CGNL1: variants seen among roughly 807,000 people sequenced by gnomAD.
CGNL1 encodes cingulin-like protein 1.
CGNL1 carries 132 observed loss-of-function variants against 141.2 expected under a neutral mutation model. The ratio of observed to expected loss-of-function variants is 0.93; its 90% CI spans 0.81 to 1.08. The LOEUF (loss-of-function observed/expected upper bound fraction) is 1.08, where lower values mean the gene tolerates loss of function less well. CGNL1 is among the 50% of genes least tolerant of loss of function. The pLI, the probability that CGNL1 is intolerant of heterozygous loss-of-function variation, is 0.00. For synonymous variants in CGNL1, 690 were observed against 622.1 expected (o/e 1.11, Z -1.63); for missense variants, 1,870 against 1,588.6 (o/e 1.18, Z -3.01).
chr15:57,460,268 C>A (rs1416436683), intron 7 of CGNL1, among the ~76,000 whole-genome samples: 4 of 152,126 alleles, frequency 2.6e-5, no homozygotes, highest in African/African-American at 9.7e-5. Flanking sequence ...GTAAAGGTCA[C>A]AATGACCTTG....
chr15:57,511,912 G>C (rs1295414134), intron 8 of CGNL1, among the ~76,000 whole-genome samples: 2 of 152,198 alleles, frequency 1.3e-5, no homozygotes, highest in African/African-American at 4.8e-5. Flanking sequence ...ATTAAAAACT[G>C]TGTGCTTTTT....
At chr15:57,453,281 A>C (rs2152324205) in intron 6 of CGNL1, among the ~76,000 whole-genome samples, 1 of 152,308 alleles carries the variant, frequency 6.6e-6, no homozygotes, top group South Asian at 2.1e-4. Flanking sequence ...TGGCCCACAG[A>C]CCATAATTTG....
intron 4 of CGNL1, among the ~76,000 whole-genome samples, chr15:57,447,258 G>C (rs2063265630): frequency 6.6e-6 from 1 of 152,290 alleles, no homozygotes; most frequent in East Asian, 1.9e-4. Context: ...TTCCAGTGCT[G>C]TTCATTCCTT....
At chr15:57,498,428 C>T (rs1007988182) in intron 8 of CGNL1, among the ~76,000 whole-genome samples, 1 of 151,986 alleles carries the variant, frequency 6.6e-6, no homozygotes, top group African/African-American at 2.4e-5. Context: ...TGGTCTCAAA[C>T]CCCTGGGCTT....
chr15:57,420,511 C>T (rs1411145328), intron 1 of CGNL1, among the ~76,000 whole-genome samples: 1 of 152,226 alleles, frequency 6.6e-6, no homozygotes, highest in Non-Finnish European at 1.5e-5. Context: ...CTCCCACCAC[C>T]TGGCATCTAT....
intron 1 of CGNL1, among the ~76,000 whole-genome samples, chr15:57,407,958 A>G (rs1307059690): frequency 6.6e-6 from 1 of 151,934 alleles, no homozygotes; most frequent in East Asian, 1.9e-4. Flanking sequence ...CATGTTGGAC[A>G]GGGTGGTCTT....
intron 1 of CGNL1, among the ~76,000 whole-genome samples, chr15:57,401,867 T>C (rs558499318): frequency 6.6e-6 from 1 of 152,316 alleles, no homozygotes; most frequent in Non-Finnish European, 1.5e-5. Flanking sequence ...CCTTCTCCTG[T>C]TGATGGGCTA....
chr15:57,386,160 T>G (rs2062480344), intron 1 of CGNL1, among the ~76,000 whole-genome samples: 1 of 152,354 alleles, frequency 6.6e-6, no homozygotes, highest in East Asian at 1.9e-4. Context: ...ATCGTTTACA[T>G]ATAAATAGCC....
At chr15:57,475,694 CG>C (rs2063646843) in intron 8 of CGNL1, among the ~76,000 whole-genome samples, 1 of 152,106 alleles carries the variant, frequency 6.6e-6, no homozygotes, top group African/African-American at 2.4e-5. Flanking sequence ...CAGGGCTGTA[CG>C]TATTCCAGCC....
intron 1 of CGNL1, among the ~76,000 whole-genome samples, chr15:57,393,702 T>C (rs868503817): frequency 5.3e-5 from 8 of 152,186 alleles, no homozygotes; most frequent in African/African-American, 1.9e-4. Flanking sequence ...TGTGTGTGCA[T>C]AAGTATTACT....
chr15:57,466,172 A>G (rs1362225016), intron 8 of CGNL1, among the ~76,000 whole-genome samples: 1 of 152,174 alleles, frequency 6.6e-6, no homozygotes, highest in Non-Finnish European at 1.5e-5. Flanking sequence ...CTTTTAAAGG[A>G]CTAAGCCCTT....
At chr15:57,484,319 C>T (rs1045504961) in intron 8 of CGNL1, among the ~76,000 whole-genome samples, 3 of 152,058 alleles carry the variant, frequency 2.0e-5, no homozygotes, top group Non-Finnish European at 2.9e-5. Context: ...TATTTAATAT[C>T]GCATAAGTTG....
Position 57,494,251 on chromosome 15 carries a change from G to C in CGNL1, c.2404-22529G>C, listed in dbSNP as rs570998675. ...GCCATCAAATGAATATTTCTAACTGGATAGTGTGTGAGTGGGGAGGGGTTG... is the reference window on the plus strand; with the variant it reads ...GCCATCAAATGAATATTTCTAACTGCATAGTGTGTGAGTGGGGAGGGGTTG... On this transcript the variant is annotated intron_variant, in intron 8 of 18. Transcript: ENST00000281282. Among the ~76,000 whole-genome samples, 4 of 152,336 alleles carry C rather than the reference G, an allele frequency of 2.6e-5. No homozygotes were observed. The South Asian group carries it at 8.3e-4, about 32-fold the overall frequency.
intron 8 of CGNL1, among the ~76,000 whole-genome samples, chr15:57,508,053 T>C (rs1490888487): frequency 6.6e-6 from 1 of 152,184 alleles, no homozygotes; most frequent in Non-Finnish European, 1.5e-5. Context: ...ATCTGTATGA[T>C]TTTTGGCATT....
intron 4 of CGNL1, among the ~76,000 whole-genome samples, chr15:57,447,550 A>T (rs78380965): frequency 0.2 from 30,539 of 152,086 alleles, 3,596 homozygotes; most frequent in East Asian, 0.27. Context: ...TTAATAATTT[A>T]TCTTTATTGT....
rs149580120 is a variant in CGNL1 at position 57,532,121 on chromosome 15, C to T, written c.3291+342C>T. On this transcript the variant is annotated intron_variant, in intron 14 of 18. Transcript: ENST00000281282. Reference sequence around the variant, plus strand: ...GCTTTCTAAATGTTGATATACAGTTCGTCTAGCACCATTTCCAGGCTCTAG... The same window carrying T: ...GCTTTCTAAATGTTGATATACAGTTTGTCTAGCACCATTTCCAGGCTCTAG... Among the ~76,000 whole-genome samples the T allele has an allele frequency of 1.7e-3, 255 of 152,214 alleles. 1 individual carries two copies. Among genetic ancestry groups the T allele is most frequent in the African/African-American group, 5.6e-3 (234 of 41,538 alleles).
At chr15:57,411,447 CTTT>C (rs112940511) in intron 1 of CGNL1, among the ~76,000 whole-genome samples, 1 of 142,126 alleles carries the variant, frequency 7.0e-6, no homozygotes. Context: ...TTTTCTTTTT[CTTT>C]TTTTTTTTTT....
chr15:57,458,371 C>T (rs1163548983), intron 7 of CGNL1, among the ~76,000 whole-genome samples: 1 of 152,178 alleles, frequency 6.6e-6, no homozygotes, highest in Non-Finnish European at 1.5e-5. Context: ...AGTCTCTACT[C>T]TGGAAAACTT....
chr15:57,399,002 A>G (rs1388994145), intron 1 of CGNL1, among the ~76,000 whole-genome samples: 1 of 152,214 alleles, frequency 6.6e-6, no homozygotes, highest in African/African-American at 2.4e-5. Flanking sequence ...GTACATACTT[A>G]TGAGAAAACA....
Sources: allele counts gnomAD v4.1 joint callset (sites outside exome capture counted in the v4.1 genomes callset), GRCh38; gene constraint gnomAD v4.1.1; transcripts MANE v1.5; gene names NCBI Gene and HGNC (gene_info 2026-07-23, HGNC 2026-07-21).